The following LHPP variants were observed in gnomAD, a reference collection of about 807,000 sequenced individuals.
LHPP encodes phospholysine phosphohistidine inorganic pyrophosphate phosphatase.
In LHPP, 24 loss-of-function variants were observed where a neutral mutation model predicts 30.3. That is an observed-to-expected ratio of 0.79 (90% CI 0.57 to 1.11). The LOEUF (loss-of-function observed/expected upper bound fraction) is 1.11, where lower values mean the gene tolerates loss of function less well. LHPP is among the 50% of genes most tolerant of loss of function. The probability of loss-of-function intolerance (pLI) is 0.00; values close to 1 mark genes in which losing one functional copy is unlikely to be tolerated. For missense variants in LHPP, 356 were observed against 367.2 expected (o/e 0.97, Z 0.25); for synonymous variants, 150 against 157.1 (o/e 0.95, Z 0.34).
chr10:124,511,829 G>A (rs1249518211), intron 5 of LHPP, among the ~76,000 whole-genome samples: 1 of 152,204 alleles, frequency 6.6e-6, no homozygotes, highest in African/African-American at 2.4e-5. Flanking sequence ...TGTGCTTTCT[G>A]GAATTCACAG....
intron 6 of LHPP, among the ~76,000 whole-genome samples, chr10:124,587,567 C>T (rs1948820575): frequency 6.6e-6 from 1 of 151,404 alleles, no homozygotes. Context: ...CGGGGAAACC[C>T]CGTCTCTACT....
In LHPP at chr10:124,484,331, G is replaced by C. The variant is rs1335060006; in HGVS notation, c.313+5G>C. The C allele has an allele frequency of 6.2e-7, 1 of 1,608,610 alleles. No individual in the cohort carries two copies. The highest frequency in any genetic ancestry group is 2.2e-5 in the East Asian group (1 of 44,704). On this transcript the variant is annotated splice_donor_5th_base_variant and intron_variant, in intron 2 of 6. Coordinates refer to ENST00000368842, the MANE Select transcript of LHPP (RefSeq NM_022126.4). The stretch of plus-strand genomic sequence containing the variant: ...CATACCTGCTCATCCATGACGGTAG[G>C]CCTGTCGGACACCAGGACCTCACGG...
At chr10:124,570,006 C>T (rs1212867071) in intron 6 of LHPP, among the ~76,000 whole-genome samples, 2 of 152,116 alleles carry the variant, frequency 1.3e-5, no homozygotes, top group African/African-American at 2.4e-5. Context: ...CAGTGTAGAG[C>T]TCACCCGGCC....
intron 5 of LHPP, among the ~76,000 whole-genome samples, chr10:124,505,262 T>C (rs1222387180): frequency 2.6e-5 from 4 of 152,208 alleles, no homozygotes; most frequent in African/African-American, 9.7e-5. Flanking sequence ...AACTGTGTCT[T>C]ATGCACAGGG....
intron 1 of LHPP, among the ~76,000 whole-genome samples, 178 bp downstream of exon 1, chr10:124,462,165 C>T (rs1203061334): frequency 6.6e-6 from 1 of 152,138 alleles, no homozygotes. Context: ...CACTGTTGCC[C>T]CCGGCGAGCA....
At chr10:124,481,163 A>G (rs908536414) in intron 1 of LHPP, among the ~76,000 whole-genome samples, 17 of 152,104 alleles carry the variant, frequency 1.1e-4, no homozygotes, top group African/African-American at 4.1e-4. Context: ...GAGAAAGACA[A>G]TTGCGTAAAT....
At chr10:124,604,274 G>A (rs532668711) in intron 6 of LHPP, among the ~76,000 whole-genome samples, 1 of 152,306 alleles carries the variant, frequency 6.6e-6, no homozygotes, top group South Asian at 2.1e-4. Flanking sequence ...GGAGGCCACC[G>A]ACCCTCGGGC....
At chr10:124,536,816 G>A (rs534678508) in intron 6 of LHPP, among the ~76,000 whole-genome samples, 5 of 152,276 alleles carry the variant, frequency 3.3e-5, no homozygotes, top group Admixed American at 6.5e-5. Context: ...CAGACAGATC[G>A]GGGAGGATTG....
intron 1 of LHPP, among the ~76,000 whole-genome samples, chr10:124,482,786 C>G (rs572035896): frequency 3.9e-4 from 60 of 152,326 alleles, no homozygotes; most frequent in Non-Finnish European, 7.6e-4. Context: ...CTTCCTACCC[C>G]ACCTTGTCAC....
intron 6 of LHPP, chr10:124,526,116 A>G (rs1313126045): frequency 4.4e-6 from 4 of 916,032 alleles, no homozygotes; most frequent in African/African-American, 3.6e-5. Context: ...ACAGGGATTG[A>G]GGGAGCGTCA....
At chr10:124,504,225 T>C (rs532709602) in intron 5 of LHPP, among the ~76,000 whole-genome samples, 5 of 151,132 alleles carry the variant, frequency 3.3e-5, no homozygotes, top group Non-Finnish European at 7.4e-5. Context: ...AGTGGTATGA[T>C]CACAACCATC....
intron 6 of LHPP, among the ~76,000 whole-genome samples, chr10:124,572,647 T>A (rs1042550823): frequency 4.1e-5 from 6 of 146,210 alleles, no homozygotes; most frequent in African/African-American, 7.7e-5. Context: ...AGAAAGAAAG[T>A]AAGAAAGGAA....
intron 6 of LHPP, among the ~76,000 whole-genome samples, chr10:124,547,023 A>C (rs745969655): frequency 3.3e-5 from 2 of 61,328 alleles, no homozygotes; most frequent in Non-Finnish European, 5.8e-5. Flanking sequence ...CTTTTTCTGC[A>C]CACACACACG....
chr10:124,545,606 C>T (rs940900816), intron 6 of LHPP, among the ~76,000 whole-genome samples: 5 of 151,846 alleles, frequency 3.3e-5, no homozygotes, highest in African/African-American at 9.7e-5. Flanking sequence ...GAAGAAGGGC[C>T]GAGCTCCACG....
In LHPP at chr10:124,484,213, A is replaced by C. The variant is rs376421647; in HGVS notation, c.200A>C (p.Gln67Pro). 2.5e-6 allele frequency: 4 copies of C among 1,614,120 alleles called. No individual in the cohort carries two copies. The East Asian group carries it at 8.9e-5, about 36-fold the overall frequency. The change falls in exon 2 of 7, where the codon CAG becomes CCG. Residue 67 changes from glutamine to proline, a missense_variant. Transcript: ENST00000368842. ...AAGTCCCGGGCAGAGCTGGTGGGGC[A>C]GCTTCAGAGGCTGGGATTTGACATC... ...SQKSRAELVG[Q>P]LQRLGFDISE... is the part of the protein sequence containing the mutation.
chr10:124,469,513 G>T (rs975526844), intron 1 of LHPP, among the ~76,000 whole-genome samples: 1 of 152,110 alleles, frequency 6.6e-6, no homozygotes, highest in Non-Finnish European at 1.5e-5. Context: ...CCTGAGGTGG[G>T]GGGGGCTTCC....
intron 4 of LHPP, among the ~76,000 whole-genome samples, chr10:124,497,644 C>T (rs868269325): frequency 2.0e-5 from 3 of 152,194 alleles, no homozygotes; most frequent in African/African-American, 4.8e-5. Flanking sequence ...GAGAGGCAGA[C>T]GAGCAGATGG....
At chr10:124,488,873 C>T (rs1294920297) in intron 3 of LHPP, among the ~76,000 whole-genome samples, 2 of 151,954 alleles carry the variant, frequency 1.3e-5, no homozygotes, top group African/African-American at 4.8e-5. Context: ...TCTCAGAGGC[C>T]AAGTGTTGAT....
At chr10:124,479,403 T>C (rs1192939724) in intron 1 of LHPP, among the ~76,000 whole-genome samples, 5 of 152,240 alleles carry the variant, frequency 3.3e-5, no homozygotes, top group Non-Finnish European at 7.3e-5. Context: ...GCTTAGTCTG[T>C]GACATCTGGT....
Sources: gnomAD v4.1 joint callset for allele counts (sites outside exome capture counted in the v4.1 genomes callset) on GRCh38, gnomAD v4.1.1 for gene constraint, MANE v1.5 for transcripts, NCBI Gene and HGNC (gene_info 2026-07-23, HGNC 2026-07-21) for gene names.